MCFD2: variants seen among roughly 807,000 people sequenced by gnomAD.
MCFD2 encodes the protein multiple coagulation factor deficiency 2, ER cargo receptor complex subunit.
MCFD2 carries 11 observed loss-of-function variants against 12.8 expected under a neutral mutation model. That is an observed-to-expected ratio of 0.86 (90% CI 0.54 to 1.42). The LOEUF (loss-of-function observed/expected upper bound fraction) is 1.42. Ranked by LOEUF, MCFD2 falls within the 40% of genes most tolerant of loss-of-function variation. The pLI, the probability that MCFD2 is intolerant of heterozygous loss-of-function variation, is 0.00. For synonymous variants in MCFD2, 70 were observed against 68.1 expected, an observed-to-expected ratio of 1.03 and a Z score of -0.14; for missense variants, 191 against 178.6, an observed-to-expected ratio of 1.07 and a Z score of -0.40.
Position 46,908,848 on chromosome 2 carries a change from T to G in MCFD2, c.149+175A>C. The G allele has an allele frequency of 4.9e-6, 4 of 819,850 alleles. No homozygotes were observed. The highest frequency in any genetic ancestry group is 7.9e-6 in the Non-Finnish European group (4 of 508,864). 50.8% of individuals were successfully genotyped at this position (819,850 alleles called of 1,614,324 possible). On this transcript the variant is annotated intron_variant, in intron 2 of 3. Coordinates refer to ENST00000319466, the MANE Select transcript of MCFD2 (RefSeq NM_139279.6). The surrounding 1 kb of genome is among the most constrained non-coding windows in gnomAD (Gnocchi z 4.5). ...AGATCTTCCACCTGTGATACAATGA[T>G]GAAAAAAGAATACCTGACTTATAGG...
In MCFD2 at chr2:46,909,151, G is replaced by T. The variant is rs546229497; in HGVS notation, c.21C>A (p.Leu7=). The T allele has an allele frequency of 6.2e-7, 1 of 1,614,128 alleles. No individual in the cohort carries two copies. Among genetic ancestry groups the T allele is most frequent in the Non-Finnish European group, 8.5e-7 (1 of 1,179,976 alleles). MTMRSL[L]RTPFLCGLLW... ...GCAGGCCACACAGGAAGGGGGTTCT[G>T]AGCAGGGATCTCATGGTCATCAATA... The change falls in exon 2 of 4, where the codon CTC becomes CTA. Residue 7 remains leucine (L), a synonymous_variant. Transcript: ENST00000319466.
At chr2:46,930,596 T>C (rs576360473) in intron 1 of MCFD2, among the ~76,000 whole-genome samples, 4 of 151,526 alleles carry the variant, frequency 2.6e-5, no homozygotes, top group Non-Finnish European at 2.9e-5. Flanking sequence ...GCCTCCCAGG[T>C]TCAAGCGATT....
At position 46,911,454 on chromosome 2, in the gene MCFD2, T is replaced by TA. The variant is rs771486553; in HGVS notation, c.-6-2278dup. Among the ~76,000 whole-genome samples the TA allele has an allele frequency of 6.3e-4, 84 of 133,636 alleles. 1 individual carries two copies. The highest frequency in any genetic ancestry group is 7.5e-4 in the Admixed American group (10 of 13,256). 87.7% of individuals were successfully genotyped at this position (133,636 alleles called of 152,430 possible). ...CCTCAGACCTTTTATATCTGTAGTT[T>TA]AAAAAAAAAAAAAAGCAATATGTCA... On this transcript the variant is annotated intron_variant, in intron 1 of 3. Coordinates refer to ENST00000319466, the MANE Select transcript of MCFD2 (RefSeq NM_139279.6).
chr2:46,915,553 C>T (rs1479789056), intron 1 of MCFD2, among the ~76,000 whole-genome samples, 170 bp downstream of exon 1: 3 of 152,174 alleles, frequency 2.0e-5, no homozygotes, highest in African/African-American at 7.2e-5. Flanking sequence ...CACAGGCTTC[C>T]GCCCCGGGAG....
At position 46,941,417 on chromosome 2, in the gene MCFD2, C is replaced by A; in HGVS notation, c.-8+155G>T. On this transcript the variant is annotated intron_variant, in intron 1 of 2. Coordinates refer to the MCFD2 transcript ENST00000409147. This position sits in a 1 kb window ranked among gnomAD's most constrained non-coding sequence, Gnocchi z 4.2. ...TCCGCCGCCCGGGCCCCCGCTGCCG[C>A]CCGGGCCCCGGCTGCCGTCTGCGCC... 1 of 1,004,526 alleles carries A rather than the reference C, an allele frequency of 1.0e-6. No homozygotes were observed. The highest frequency in any genetic ancestry group is 1.3e-6 in the Non-Finnish European group (1 of 790,032). The allele number at this position is 1,004,526 out of a possible 1,614,324, so 62.2% of individuals were successfully genotyped here. A position where few individuals can be genotyped will look rare whatever the true frequency, so the allele number is the denominator to read the frequency against.
rs1005863428 is a variant in MCFD2, at chr2:46,941,475, C to G, written c.-8+97G>C. On this transcript the variant is annotated intron_variant, in intron 1 of 2. Coordinates refer to the MCFD2 transcript ENST00000409147. The surrounding 1 kb of genome is among the most constrained non-coding windows in gnomAD (Gnocchi z 4.2). ...ACCCCGCCCGCGAGTGCGCCCCAGC[C>G]AGGACGCCGCCCCCGGCCGGGTCTC... is the stretch of plus-strand genomic sequence containing the variant. The G allele has an allele frequency of 2.6e-6, 4 of 1,514,944 alleles. No individual in the cohort carries two copies. Among genetic ancestry groups the G allele is most frequent in the South Asian group, 2.5e-5 (2 of 81,024 alleles). The allele number at this position is 1,514,944 out of a possible 1,614,324, so 93.8% of individuals were successfully genotyped here.
At chr2:46,938,486 ATAACT>A (rs946970853) in intron 1 of MCFD2, among the ~76,000 whole-genome samples, 2 of 152,174 alleles carry the variant, frequency 1.3e-5, no homozygotes, top group African/African-American at 4.8e-5. Context: ...CTATACTTTA[ATAACT>A]TAATAGCAAG....
intron 1 of MCFD2, among the ~76,000 whole-genome samples, chr2:46,934,787 CTTTTTTTTTTTTTTT>C (rs1161003607): frequency 3.0e-5 from 2 of 66,888 alleles, no homozygotes; most frequent in South Asian, 5.8e-4. Flanking sequence ...GACTACTGCT[CTTTTTTTTTTTTTTT>C]TTTTTTTTTT....
intron 1 of MCFD2, chr2:46,913,816 G>C (rs12467136): frequency 0.18 from 28,298 of 153,512 alleles, 2,714 homozygotes; most frequent in Non-Finnish European, 0.21. Context: ...TGCTCTGCCA[G>C]CCTCTTCCTG....
rs1670429919 is a variant in MCFD2, at chr2:46,941,829, C to G, written c.-265G>C. ...GTCCTCGGCCGACAGCGGGCGCCTG[C>G]CAGCCCACCGTGCTAGTCTTAAGAG... On this transcript the variant is annotated 5_prime_UTR_variant, in exon 1 of 3. Coordinates refer to the MCFD2 transcript ENST00000409147. The surrounding 1 kb of genome is among the most constrained non-coding windows in gnomAD (Gnocchi z 4.2). 1.9e-5 allele frequency: 27 copies of G among 1,430,228 alleles called. No homozygotes were observed. The highest frequency in any genetic ancestry group is 2.3e-5 in the Non-Finnish European group (24 of 1,051,150). 88.6% of individuals were successfully genotyped at this position (1,430,228 alleles called of 1,614,324 possible). A position where few individuals can be genotyped will look rare whatever the true frequency, so the allele number is the denominator to read the frequency against.
chr2:46,909,252 G>A (rs773108290), intron 1 of MCFD2, 75 bp from the exon 2 acceptor site: 3 of 1,504,514 alleles, frequency 2.0e-6, no homozygotes, highest in Non-Finnish European at 2.7e-6. Context: ...GACATGGTAT[G>A]ATCCTGGGAA....
At chr2:46,912,163 C>A (rs372872019) in intron 1 of MCFD2, among the ~76,000 whole-genome samples, 1 of 151,792 alleles carries the variant, frequency 6.6e-6, no homozygotes, top group Non-Finnish European at 1.5e-5. Context: ...TGGCAAAATG[C>A]GTCTCTACTA....
chr2:46,919,340 C>T (rs993303567), upstream of MCFD2, among the ~76,000 whole-genome samples: 1 of 152,144 alleles, frequency 6.6e-6, no homozygotes, highest in Non-Finnish European at 1.5e-5. Context: ...TCGAGACCAG[C>T]CTGGCCAGCA....
At position 46,909,184 on chromosome 2, in the gene MCFD2, G is replaced by A; in HGVS notation, c.-6-7C>T. Reference sequence around the variant, plus strand: ...ATCTCATGGTCATCAATATCTGTGAGATGGGAAACACAGAAGAGGAAGGCA... The same window carrying A: ...ATCTCATGGTCATCAATATCTGTGAAATGGGAAACACAGAAGAGGAAGGCA... On this transcript the variant is annotated splice_polypyrimidine_tract_variant and splice_region_variant and intron_variant, in intron 1 of 3. Transcript: ENST00000319466. 1.9e-6 allele frequency: 3 copies of A among 1,612,440 alleles called. No homozygotes were observed. The highest frequency in any genetic ancestry group is 2.5e-6 in the Non-Finnish European group (3 of 1,179,096).
At position 46,915,805 on chromosome 2, in the gene MCFD2, C is replaced by CGGGGGGGGGGGGGGGGGGGG; in HGVS notation, c.-90_-89insCCCCCCCCCCCCCCCCCCCC. ...TCCCCAAAACGCTCTTCCTCGGCTT[C>CGGGGGGGGGGGGGGGGGGGG]GCCCCGCCCCCCCCCCCCCCCCGAC... On this transcript the variant is annotated 5_prime_UTR_variant, in exon 1 of 4. Coordinates refer to ENST00000319466, the MANE Select transcript of MCFD2 (RefSeq NM_139279.6). 2.2e-4 allele frequency: 81 copies of CGGGGGGGGGGGGGGGGGGGG among 368,268 alleles called. No individual in the cohort carries two copies. The highest frequency in any genetic ancestry group is 2.3e-4 in the Non-Finnish European group (75 of 327,150). 22.8% of individuals were successfully genotyped at this position (368,268 alleles called of 1,614,324 possible).
intron 1 of MCFD2, among the ~76,000 whole-genome samples, chr2:46,931,614 G>A (rs1173699410): frequency 6.6e-6 from 1 of 151,896 alleles, no homozygotes; most frequent in African/African-American, 2.4e-5. Flanking sequence ...GAATGCAGTC[G>A]GCCTCTAGAA....
Position 46,909,063 on chromosome 2 carries a change from C to A in MCFD2, c.109G>T (p.Gly37Cys). The A allele has an allele frequency of 9.3e-6, 15 of 1,614,174 alleles. No individual in the cohort carries two copies. Among genetic ancestry groups the A allele is most frequent in the Non-Finnish European group, 1.3e-5 (15 of 1,180,036 alleles). Residue 37 changes from glycine (G) to cysteine (C), a missense_variant, in exon 2 of 4, where the codon GGC becomes TGC. Gly to Cys is a radical substitution (Grantham distance 159). Coordinates refer to ENST00000319466, the MANE Select transcript of MCFD2 (RefSeq NM_139279.6). Reference sequence around the variant, plus strand: ...GTGTTCTTATCCAGGCCCATGCTGCCGGGTTGGGAGAAGCTGGCTGCAGGC... The same window carrying A: ...GTGTTCTTATCCAGGCCCATGCTGCAGGGTTGGGAGAAGCTGGCTGCAGGC... The part of the protein sequence containing the change: ...EEPAASFSQP[G>C]SMGLDKNTVH...
intron 1 of MCFD2, among the ~76,000 whole-genome samples, chr2:46,923,736 CT>C (rs113000969): frequency 1.3e-3 from 183 of 145,462 alleles, no homozygotes; most frequent in African/African-American, 2.1e-3. Flanking sequence ...TATAGAAAAA[CT>C]TTTTTTTTTT....
In MCFD2 at chr2:46,940,282, G is replaced by T. The variant is rs1352005179; in HGVS notation, c.-8+1290C>A. On this transcript the variant is annotated intron_variant, in intron 1 of 2. Coordinates refer to the MCFD2 transcript ENST00000409147. The surrounding 1 kb of genome is among the most constrained non-coding windows in gnomAD (Gnocchi z 4.7). The stretch of plus-strand genomic sequence containing the variant: ...CTGCTCAAAAGTTTGCCCTGACCCT[G>T]CTGTCTTTTGAGTCTTCAGTCTGGA... Among the ~76,000 whole-genome samples, 9 of 152,200 alleles carry T rather than the reference G, an allele frequency of 5.9e-5. No individual in the cohort carries two copies. Among genetic ancestry groups the T allele is most frequent in the Non-Finnish European group, 1.5e-5 (1 of 68,050 alleles).
Sources: allele counts gnomAD v4.1 joint callset (sites outside exome capture counted in the v4.1 genomes callset), GRCh38; gene constraint gnomAD v4.1.1; non-coding constraint Gnocchi (gnomAD v3.1); transcripts MANE v1.5; gene names NCBI Gene and HGNC (gene_info 2026-07-23, HGNC 2026-07-21).